Variants in ZNF521 observed in about 807,000 individuals in gnomAD.
ZNF521 encodes the protein zinc finger protein 521.
In ZNF521, 14 loss-of-function variants were observed where a neutral mutation model predicts 105.5. That is an observed-to-expected ratio of 0.13 (90% CI 0.09 to 0.21). ZNF521 has a LOEUF of 0.21. Ranked by LOEUF, ZNF521 falls within the 10% of genes least tolerant of loss-of-function variation. The probability of loss-of-function intolerance (pLI) is 1.00; values close to 1 mark genes in which losing one functional copy is unlikely to be tolerated. For missense variants in ZNF521, 1,233 were observed against 1,629.7 expected (o/e 0.76, Z 4.19); for synonymous variants, 635 against 606.0 (o/e 1.05, Z -0.70).
chr18:25,068,730 G>A (rs2033138869), intron 7 of ZNF521, among the ~76,000 whole-genome samples: 1 of 152,184 alleles, frequency 6.6e-6, no homozygotes, highest in Non-Finnish European at 1.5e-5. Context: ...CATCCCTGTA[G>A]TGGGCAATGG....
chr18:25,187,559 C>T (rs1309070461), intron 5 of ZNF521, among the ~76,000 whole-genome samples: 1 of 152,078 alleles, frequency 6.6e-6, no homozygotes, highest in Non-Finnish European at 1.5e-5. Flanking sequence ...AATACACAAA[C>T]ATTTCAATGG....
rs571560104 is a variant in ZNF521, at chr18:25,283,931, C to G, written c.220+38077G>C. On this transcript the variant is annotated intron_variant, in intron 3 of 7. Coordinates refer to ENST00000361524, the MANE Select transcript of ZNF521 (RefSeq NM_015461.3). ...AAACAAGCCAATACTTTCCCCCCCC[C>G]CCAAAAAAATTCATGAGCAGCAACA... 3.3e-3 allele frequency among the ~76,000 whole-genome samples: 468 copies of G among 142,852 alleles called. 1 individual carries two copies. The highest frequency in any genetic ancestry group is 0.011 in the African/African-American group (439 of 40,352). 93.7% of individuals were successfully genotyped at this position (142,852 alleles called of 152,430 possible).
chr18:25,209,656 T>G (rs1205216669), intron 4 of ZNF521, among the ~76,000 whole-genome samples: 1 of 152,158 alleles, frequency 6.6e-6, no homozygotes, highest in Non-Finnish European at 1.5e-5. Context: ...TACTAAACCT[T>G]TCATGTCCAA....
chr18:25,338,454 C>G (rs1229290426), intron 2 of ZNF521, among the ~76,000 whole-genome samples: 1 of 151,882 alleles, frequency 6.6e-6, no homozygotes, highest in African/African-American at 2.4e-5. Context: ...ACTCTGTCAC[C>G]CAGGTTGGAG....
At chr18:25,163,855 G>T (rs1397205181) in intron 5 of ZNF521, among the ~76,000 whole-genome samples, 1 of 152,166 alleles carries the variant, frequency 6.6e-6, no homozygotes, top group Non-Finnish European at 1.5e-5. Context: ...ATATCAGAAG[G>T]TTCCTTTTCG....
At chr18:25,094,177 C>T (rs1025602116) in intron 5 of ZNF521, among the ~76,000 whole-genome samples, 4 of 152,092 alleles carry the variant, frequency 2.6e-5, no homozygotes, top group African/African-American at 9.7e-5. Context: ...CTGGGGATAA[C>T]AATTGACTGT....
chr18:25,316,978 C>T (rs2145129821), intron 3 of ZNF521, among the ~76,000 whole-genome samples: 1 of 151,914 alleles, frequency 6.6e-6, no homozygotes, highest in Non-Finnish European at 1.5e-5. Context: ...CCTCAGCCTC[C>T]AAAGTAGCTG....
intron 5 of ZNF521, among the ~76,000 whole-genome samples, chr18:25,182,536 T>C (rs2035649789): frequency 6.6e-6 from 1 of 152,212 alleles, no homozygotes; most frequent in African/African-American, 2.4e-5. Flanking sequence ...CCTTCATGTA[T>C]ACTTAAAGCT....
At chr18:25,330,840 T>C (rs1913526178) in intron 2 of ZNF521, among the ~76,000 whole-genome samples, 1 of 152,192 alleles carries the variant, frequency 6.6e-6, no homozygotes. Context: ...AAAGAAAATA[T>C]GGTAAGGAAC....
At chr18:25,181,565 G>C (rs1165768865) in intron 5 of ZNF521, among the ~76,000 whole-genome samples, 4 of 152,170 alleles carry the variant, frequency 2.6e-5, no homozygotes, top group Admixed American at 2.6e-4. Flanking sequence ...TAATGGAGCT[G>C]CCTAACCAGC....
chr18:25,260,595 T>A (rs989210009), intron 3 of ZNF521, among the ~76,000 whole-genome samples: 1 of 152,204 alleles, frequency 6.6e-6, no homozygotes. Context: ...TAGTAAATTA[T>A]TATTACTATT....
chr18:25,341,039 G>A (rs138231369), intron 2 of ZNF521, among the ~76,000 whole-genome samples: 9 of 151,886 alleles, frequency 5.9e-5, no homozygotes, highest in African/African-American at 9.7e-5. Context: ...CTTTTTCTTC[G>A]GTCAGTTACA....
chr18:25,091,723 A>T (rs1342509964), intron 6 of ZNF521, among the ~76,000 whole-genome samples: 1 of 152,166 alleles, frequency 6.6e-6, no homozygotes, highest in East Asian at 1.9e-4. Context: ...TTCTGAGAGA[A>T]CTTGAAATGC....
intron 3 of ZNF521, among the ~76,000 whole-genome samples, chr18:25,271,567 G>A (rs1185346701): frequency 6.6e-6 from 1 of 152,120 alleles, no homozygotes; most frequent in African/African-American, 2.4e-5. Flanking sequence ...TACCAAAACA[G>A]ATATATAGAC....
chr18:25,201,536 T>G (rs1249186301), intron 4 of ZNF521: 1 of 152,200 alleles, frequency 6.6e-6, no homozygotes, highest in Non-Finnish European at 1.5e-5. Flanking sequence ...AGTCCATTTG[T>G]TTTTCTATCT....
chr18:25,299,912 G>A (rs1411113877), intron 3 of ZNF521, among the ~76,000 whole-genome samples: 3 of 152,160 alleles, frequency 2.0e-5, no homozygotes, highest in East Asian at 3.8e-4. Context: ...GCCATCCCAC[G>A]TGCTCCTCTG....
intron 3 of ZNF521, among the ~76,000 whole-genome samples, chr18:25,286,033 G>A (rs1040331269): frequency 6.6e-6 from 1 of 152,216 alleles, no homozygotes; most frequent in African/African-American, 2.4e-5. Flanking sequence ...CTCCAAAAGT[G>A]CTGCCGTGGC....
intron 2 of ZNF521, among the ~76,000 whole-genome samples, chr18:25,348,515 T>A (rs1002836347): frequency 6.6e-6 from 1 of 152,214 alleles, no homozygotes; most frequent in African/African-American, 2.4e-5. Flanking sequence ...CTATTTTTAT[T>A]CCTGTCTTCA....
At chr18:25,274,542 T>A (rs557977248) in intron 3 of ZNF521, among the ~76,000 whole-genome samples, 2 of 152,262 alleles carry the variant, frequency 1.3e-5, no homozygotes, top group South Asian at 4.1e-4. Context: ...TTTCCAAAGA[T>A]TATGTATTAC....
Sources: allele counts gnomAD v4.1 joint callset (sites outside exome capture counted in the v4.1 genomes callset), GRCh38; gene constraint gnomAD v4.1.1; transcripts MANE v1.5; gene names NCBI Gene and HGNC (gene_info 2026-07-23, HGNC 2026-07-21).